Variants in GABRB1 observed in about 807,000 individuals in gnomAD.
The protein encoded by GABRB1 is gamma-aminobutyric acid receptor subunit beta-1.
In GABRB1, 17 loss-of-function variants were observed where a neutral mutation model predicts 51.6. The observed-to-expected ratio is 0.33, with a 90% CI of 0.23 to 0.49. GABRB1 has a LOEUF of 0.49. GABRB1 is among the 20% of genes least tolerant of loss of function. The pLI, the probability that GABRB1 is intolerant of heterozygous loss-of-function variation, is 0.99. For missense variants in GABRB1, 410 were observed against 600.6 expected, an observed-to-expected ratio of 0.68 and a Z score of 3.32; for synonymous variants, 247 against 218.9, an observed-to-expected ratio of 1.13 and a Z score of -1.14.
At chr4:47,004,092 G>C (rs774412483) in intron 1 of GABRB1, among the ~76,000 whole-genome samples, 2 of 151,932 alleles carry the variant, frequency 1.3e-5, no homozygotes, top group Admixed American at 6.6e-5. Context: ...GGGTTCAAGC[G>C]GTTCCCCTGC....
intron 3 of GABRB1, among the ~76,000 whole-genome samples, chr4:47,148,991 G>A (rs563732899): frequency 2.6e-5 from 4 of 152,016 alleles, no homozygotes; most frequent in South Asian, 4.2e-4. Flanking sequence ...ATGATACAGT[G>A]GAAAGAACTT....
rs1038522275 is a variant in GABRB1, at chr4:47,089,326, G to A, written c.240+56842G>A. Among the ~76,000 whole-genome samples, 18 of 152,166 alleles carry A rather than the reference G, an allele frequency of 1.2e-4. No individual in the cohort carries two copies. The South Asian group carries it at 1.5e-3, about 12-fold the overall frequency. ...TAATCTGCTGTTTTGCAATAGTACC[G>A]GGACCTATTGAGGCCTTGACTAGGG... On this transcript the variant is annotated intron_variant, in intron 3 of 8. Transcript: ENST00000295454.
At chr4:47,152,323 C>T (rs1222698944) in intron 3 of GABRB1, among the ~76,000 whole-genome samples, 5 of 151,960 alleles carry the variant, frequency 3.3e-5, no homozygotes, top group South Asian at 4.1e-4. Flanking sequence ...TGATCATTTG[C>T]TATCCACTGT....
chr4:47,346,161 T>C (rs1254549780), intron 5 of GABRB1, among the ~76,000 whole-genome samples: 1 of 152,164 alleles, frequency 6.6e-6, no homozygotes, highest in African/African-American at 2.4e-5. Context: ...GGCAGCACTG[T>C]AAGTGTGAAA....
intron 3 of GABRB1, among the ~76,000 whole-genome samples, chr4:47,100,065 G>T (rs1001179330): frequency 6.6e-6 from 1 of 151,860 alleles, no homozygotes; most frequent in African/African-American, 2.4e-5. Context: ...AATTATGTTC[G>T]GGGTTTAAAA....
intron 3 of GABRB1, among the ~76,000 whole-genome samples, chr4:47,107,653 C>T (rs775889100): frequency 3.9e-5 from 6 of 152,020 alleles, no homozygotes; most frequent in Non-Finnish European, 5.9e-5. Context: ...AGTTAGTTGA[C>T]ATATATGAAC....
chr4:47,361,539 C>T (rs2110010045), intron 5 of GABRB1, among the ~76,000 whole-genome samples: 1 of 152,142 alleles, frequency 6.6e-6, no homozygotes, highest in South Asian at 2.1e-4. Flanking sequence ...CAGATGTGTA[C>T]TTTGAAATCT....
At chr4:47,058,223 T>C (rs1344723123) in intron 3 of GABRB1, among the ~76,000 whole-genome samples, 1 of 152,090 alleles carries the variant, frequency 6.6e-6, no homozygotes, top group African/African-American at 2.4e-5. Flanking sequence ...TGCAGAAGGG[T>C]CGGTCCATCA....
intron 4 of GABRB1, among the ~76,000 whole-genome samples, chr4:47,304,502 T>G (rs1245685815): frequency 6.6e-6 from 1 of 152,114 alleles, no homozygotes; most frequent in Non-Finnish European, 1.5e-5. Flanking sequence ...GCTATTGATT[T>G]GTATGAGTTT....
At chr4:47,188,909 C>A (rs1719309602) in intron 4 of GABRB1, among the ~76,000 whole-genome samples, 1 of 151,974 alleles carries the variant, frequency 6.6e-6, no homozygotes, top group Non-Finnish European at 1.5e-5. Flanking sequence ...TTAATCTCTG[C>A]TTATCCATTA....
chr4:47,396,876 G>T (rs566903375), intron 5 of GABRB1, among the ~76,000 whole-genome samples: 1 of 152,250 alleles, frequency 6.6e-6, no homozygotes, highest in African/African-American at 2.4e-5. Flanking sequence ...GCAAAAAGGA[G>T]TATCTTGATA....
At position 47,040,689 on chromosome 4, in the gene GABRB1, T is replaced by G. The variant is rs1185405217; in HGVS notation, c.240+8205T>G. On this transcript the variant is annotated intron_variant, in intron 3 of 8. Transcript: ENST00000295454. ...TTGAATATTGACATCAATGAACTAT[T>G]TCTTCCAAGTCTGTTCACAAATAAG... Among the ~76,000 whole-genome samples, 4 of 152,176 alleles carry G rather than the reference T, an allele frequency of 2.6e-5. No individual in the cohort carries two copies. In the East Asian group the frequency reaches 7.7e-4, roughly 29 times the overall value.
intron 5 of GABRB1, among the ~76,000 whole-genome samples, chr4:47,335,554 C>A (rs549874859): frequency 3.0e-4 from 45 of 152,108 alleles, no homozygotes; most frequent in African/African-American, 7.7e-4. Context: ...AGCTTCTTGA[C>A]CAGTATGTAC....
At chr4:47,066,125 G>A (rs1331135699) in intron 3 of GABRB1, among the ~76,000 whole-genome samples, 1 of 152,188 alleles carries the variant, frequency 6.6e-6, no homozygotes, top group Non-Finnish European at 1.5e-5. Context: ...CTGCAATAAA[G>A]TGAGTCACAC....
At chr4:47,204,726 C>T (rs1418474157) in intron 4 of GABRB1, among the ~76,000 whole-genome samples, 1 of 152,148 alleles carries the variant, frequency 6.6e-6, no homozygotes, top group Non-Finnish European at 1.5e-5. Context: ...CTCTCTTTGC[C>T]TGCCACCATC....
Position 46,999,853 on chromosome 4 carries a change from T to C in GABRB1, c.-20+5927T>C, listed in dbSNP as rs75197150. On this transcript the variant is annotated intron_variant, in intron 1 of 3. Coordinates refer to the GABRB1 transcript ENST00000513567. ...TCACTGCATGTTTCATACTAACTCC[T>C]CCCAAATTTGCACATGGGACCCATG... 3.0e-4 allele frequency among the ~76,000 whole-genome samples: 45 copies of C among 152,310 alleles called. No homozygotes were observed. In the East Asian group the frequency reaches 6.6e-3, roughly 22 times the overall value.
At chr4:47,318,480 G>A (rs996669460) in intron 4 of GABRB1, among the ~76,000 whole-genome samples, 5 of 151,976 alleles carry the variant, frequency 3.3e-5, no homozygotes, top group African/African-American at 1.2e-4. Flanking sequence ...TTCTGTGACT[G>A]ATGGTGCCTC....
intron 4 of GABRB1, among the ~76,000 whole-genome samples, chr4:47,299,960 A>G (rs1336047468): frequency 6.6e-6 from 1 of 151,758 alleles, no homozygotes; most frequent in African/African-American, 2.4e-5. Context: ...TGAAACTGGA[A>G]CTCATCATTC....
chr4:47,268,636 T>TC (rs1722736315), intron 4 of GABRB1, among the ~76,000 whole-genome samples: 1 of 152,176 alleles, frequency 6.6e-6, no homozygotes, highest in African/African-American at 2.4e-5. Flanking sequence ...AAGTATCCAC[T>TC]AAAAGTGCTT....
Sources: gnomAD v4.1 joint callset for allele counts (sites outside exome capture counted in the v4.1 genomes callset) on GRCh38, gnomAD v4.1.1 for gene constraint, MANE v1.5 for transcripts, NCBI Gene and HGNC (gene_info 2026-07-23, HGNC 2026-07-21) for gene names.